IFT172: variants seen among roughly 807,000 people sequenced by gnomAD.
IFT172 encodes intraflagellar transport 172.
Under a neutral mutation model 248.9 loss-of-function variants are expected in IFT172, and 164 were observed. That is an observed-to-expected ratio of 0.66 (90% confidence interval 0.58 to 0.75). The LOEUF is 0.75. Among genes scored for constraint, IFT172 ranks in the 30% least tolerant of loss-of-function variants. The pLI, the probability that IFT172 is intolerant of heterozygous loss-of-function variation, is 0.00. For missense variants in IFT172, 1,950 were observed against 2,192.4 expected, an observed-to-expected ratio of 0.89 and a Z score of 2.21; for synonymous variants, 729 against 791.6, an observed-to-expected ratio of 0.92 and a Z score of 1.33.
At chr2:27,466,921 T>G (rs1012324782) in intron 16 of IFT172, among the ~76,000 whole-genome samples, 7 of 151,862 alleles carry the variant, frequency 4.6e-5, no homozygotes, top group African/African-American at 1.7e-4. Flanking sequence ...GAGGCTGAGG[T>G]GAGAGATCAC....
intron 7 of IFT172, among the ~76,000 whole-genome samples, chr2:27,482,857 C>T (rs942531007): frequency 1.3e-5 from 2 of 152,150 alleles, no homozygotes; most frequent in Non-Finnish European, 2.9e-5. Flanking sequence ...AAACACAAAT[C>T]CTCTCAGTGG....
intron 18 of IFT172, 84 bp from the exon 19 acceptor site, chr2:27,463,265 G>A: frequency 1.6e-6 from 2 of 1,283,124 alleles, no homozygotes; most frequent in South Asian, 2.5e-5. Flanking sequence ...ACAAATTGAT[G>A]TACATCTATG....
intron 7 of IFT172, among the ~76,000 whole-genome samples, chr2:27,482,154 TA>T (rs774579951): frequency 1.3e-5 from 2 of 151,714 alleles, no homozygotes; most frequent in Non-Finnish European, 2.9e-5. Flanking sequence ...GGCTAATTTT[TA>T]TATTTTTAGT....
At position 27,477,344 on chromosome 2, in the gene IFT172, C is replaced by T. The variant is rs546098943; in HGVS notation, c.1222-24G>A. ...ACCTGGGAAAAATGGAGTTGTTATA[C>T]GGTGGAAAGGCTACATGAAGAAAAA... is the stretch of plus-strand genomic sequence containing the variant. On this transcript the variant is annotated intron_variant, in intron 12 of 47. Transcript: ENST00000260570. 36 of 1,592,174 alleles carry T rather than the reference C, an allele frequency of 2.3e-5. No homozygotes were observed. The Admixed American group carries it at 3.8e-4, about 17-fold the overall frequency.
Position 27,461,844 on chromosome 2 carries a change from A to C in IFT172, c.2116-8T>G. On this transcript the variant is annotated splice_region_variant and splice_polypyrimidine_tract_variant and intron_variant, in intron 20 of 47. Coordinates refer to ENST00000260570, the MANE Select transcript of IFT172 (RefSeq NM_015662.3). ...GGCCTCCTCCACAGCATTCTAGGGGAAACAGGCAGAGCAGAGAGGGACACC... is the reference window on the plus strand; with the variant it reads ...GGCCTCCTCCACAGCATTCTAGGGGCAACAGGCAGAGCAGAGAGGGACACC... 1 of 1,614,122 alleles carries C rather than the reference A, an allele frequency of 6.2e-7. No homozygotes were observed.
In IFT172 at chr2:27,454,225, C is replaced by G; in HGVS notation, c.3531-63G>C. The G allele has an allele frequency of 6.3e-7, 1 of 1,599,614 alleles. No homozygotes were observed. The highest frequency in any genetic ancestry group is 2.2e-5 in the East Asian group (1 of 44,718). The stretch of plus-strand genomic sequence containing the variant: ...GGACTGAGGCCCCAATAGTGGGAGA[C>G]AAACAGCCATGTCACTGAGGGGTGT... On this transcript the variant is annotated intron_variant, in intron 32 of 47. Transcript: ENST00000260570. The surrounding 1 kb of genome is among the most constrained non-coding windows in gnomAD (Gnocchi z 4.2).
intron 3 of IFT172, among the ~76,000 whole-genome samples, chr2:27,484,591 AAAAT>A (rs1334330435): frequency 1.3e-5 from 2 of 152,254 alleles, no homozygotes; most frequent in African/African-American, 2.4e-5. Flanking sequence ...ACTCTATCTC[AAAAT>A]AAATAAATAA....
intron 14 of IFT172, among the ~76,000 whole-genome samples, chr2:27,473,188 G>A (rs1465184901): frequency 6.6e-6 from 1 of 151,390 alleles, no homozygotes; most frequent in Non-Finnish European, 1.5e-5. Flanking sequence ...CCAACATGGT[G>A]AAACCCTGTC....
chr2:27,449,453 G>A, intron 38 of IFT172, 46 bp downstream of exon 38: 1 of 1,613,726 alleles, frequency 6.2e-7, no homozygotes, highest in Non-Finnish European at 8.5e-7. Context: ...AGAGTCTTGT[G>A]AGTCTCTCCC....
At chr2:27,487,671 G>C (rs1336482318) in intron 1 of IFT172, among the ~76,000 whole-genome samples, 1 of 151,872 alleles carries the variant, frequency 6.6e-6, no homozygotes, top group Non-Finnish European at 1.5e-5. Context: ...TTGACTCACT[G>C]CAACTCTGCC....
Position 27,461,464 on chromosome 2 carries a change from G to GTCC in IFT172, c.2244_2246dup (p.Met748_Asp749insGlu), listed in dbSNP as rs1450911910. 5 of 1,614,024 alleles carry GTCC rather than the reference G, an allele frequency of 3.1e-6. No homozygotes were observed. In the South Asian group the frequency reaches 5.5e-5, roughly 18 times the overall value. On this transcript the variant is annotated inframe_insertion, in exon 22 of 48. Coordinates refer to ENST00000260570, the MANE Select transcript of IFT172 (RefSeq NM_015662.3). Reference sequence around the variant, plus strand: ...CACCTGCTCGCTCCTCTTGCTGTGTGTCCATCAGCCACTGGTAGTAACTAC... The same window carrying GTCC: ...CACCTGCTCGCTCCTCTTGCTGTGTGTCCTCCATCAGCCACTGGTAGTAACTAC...
chr2:27,468,187 C>T (rs1002816200), intron 16 of IFT172, among the ~76,000 whole-genome samples: 8 of 150,792 alleles, frequency 5.3e-5, no homozygotes, highest in Non-Finnish European at 8.9e-5. Context: ...TATATCTAGA[C>T]ACATTGTAGT....
At position 27,480,081 on chromosome 2, in the gene IFT172, T is replaced by C. The variant is rs975683128; in HGVS notation, c.854A>G (p.Asn285Ser). 3.1e-6 allele frequency: 5 copies of C among 1,613,882 alleles called. No individual in the cohort carries two copies. The highest frequency in any genetic ancestry group is 4.2e-6 in the Non-Finnish European group (5 of 1,179,914). ...WEEAKPKEITNLYTITALAWK... is the reference protein window; with the variant it reads ...WEEAKPKEITSLYTITALAWK... ...GGCCAAGGCAGTGATGGTGTATAAATTGGTAATCTCCTTGGGCTTTGCCTC... is the reference window on the plus strand; with the variant it reads ...GGCCAAGGCAGTGATGGTGTATAAACTGGTAATCTCCTTGGGCTTTGCCTC... Residue 285 changes from asparagine to serine, a missense_variant, in exon 9 of 48, where the codon AAT becomes AGT. Asn to Ser is a conservative substitution (Grantham distance 46). This residue lies in a region of IFT172 where 1,166 missense variants were observed against 1,254.1 expected (regional missense o/e 0.93). Coordinates refer to ENST00000260570, the MANE Select transcript of IFT172 (RefSeq NM_015662.3).
intron 33 of IFT172, 27 bp downstream of exon 33, chr2:27,453,955 C>G (rs201000641): frequency 2.6e-4 from 415 of 1,596,786 alleles, no homozygotes; most frequent in Non-Finnish European, 3.3e-4. Flanking sequence ...TCCCCCTCCC[C>G]TCATGGCCCT....
At chr2:27,446,844 C>T (rs1473311717) in intron 42 of IFT172, among the ~76,000 whole-genome samples, 2 of 151,428 alleles carry the variant, frequency 1.3e-5, no homozygotes, top group Non-Finnish European at 2.9e-5. Flanking sequence ...GGACTACAGG[C>T]GCCCGCCACC....
intron 16 of IFT172, 34 bp from the exon 17 acceptor site, chr2:27,465,916 T>G (rs1667060045): frequency 6.2e-7 from 1 of 1,613,098 alleles, no homozygotes; most frequent in Admixed American, 1.7e-5. Context: ...CACCCCAATT[T>G]CAGGTTAGTT....
At chr2:27,462,117 C>G (rs1316425565) in intron 20 of IFT172, among the ~76,000 whole-genome samples, 1 of 151,182 alleles carries the variant, frequency 6.6e-6, no homozygotes, top group Non-Finnish European at 1.5e-5. Context: ...ACTGCAACCT[C>G]TGCTTCCTTG....
intron 1 of IFT172, 144 bp downstream of exon 1, chr2:27,489,471 A>G (rs776728393): frequency 3.2e-6 from 2 of 621,404 alleles, no homozygotes; most frequent in African/African-American, 1.9e-5. Context: ...TGGACGCTGT[A>G]TCGACAGGCC....
At chr2:27,471,139 G>A in intron 15 of IFT172, 44 bp from the exon 16 acceptor site, 2 of 1,588,264 alleles carry the variant, frequency 1.3e-6, no homozygotes, top group Non-Finnish European at 1.7e-6. Flanking sequence ...AGGGGATGTG[G>A]GGTTGTCTCC....
Sources: gnomAD v4.1 joint callset for allele counts (sites outside exome capture counted in the v4.1 genomes callset) on GRCh38, gnomAD v4.1.1 for gene constraint, gnomAD v4.1.1 regional missense constraint, Gnocchi (gnomAD v3.1) non-coding constraint, MANE v1.5 for transcripts, NCBI Gene and HGNC (gene_info 2026-07-23, HGNC 2026-07-21) for gene names.